UGT2B11: variants seen among roughly 807,000 people sequenced by gnomAD.
UGT2B11 encodes the protein UDP glucuronosyltransferase family 2 member B11.
Under a neutral mutation model 51.7 loss-of-function variants are expected in UGT2B11, and 49 were observed. The ratio of observed to expected loss-of-function variants is 0.95; its 90% confidence interval spans 0.75 to 1.20. The LOEUF is 1.20. Among genes scored for constraint, UGT2B11 ranks in the 50% most tolerant of loss-of-function variants. The probability of loss-of-function intolerance (pLI) is 0.00; values close to 1 mark genes in which losing one functional copy is unlikely to be tolerated. For missense variants in UGT2B11, 810 were observed against 622.1 expected (o/e 1.30, Z -3.21); for synonymous variants, 273 against 209.0 (o/e 1.31, Z -2.64).
chr4:69,207,592 C>T (rs1311918223), intron 3 of UGT2B11, among the ~76,000 whole-genome samples: 1 of 151,550 alleles, frequency 6.6e-6, no homozygotes, highest in Non-Finnish European at 1.5e-5. Flanking sequence ...GTAGTTAGTG[C>T]TGAGTCCTTG....
Position 69,204,565 on chromosome 4 carries a change from C to T in UGT2B11, c.1175G>A (p.Gly392Asp), listed in dbSNP as rs1219998844. The change falls in exon 5 of 6, where the codon GGC becomes GAC. Residue 392 changes from glycine to aspartate, a missense_variant. Physicochemically the swap from Gly to Asp is moderately conservative, Grantham distance 94. Transcript: ENST00000446444. ...AGGTTGATCAAAAAACAATGGAATGCCCACCATAGGGATCCCATGGTAGAT... is the reference window on the plus strand; with the variant it reads ...AGGTTGATCAAAAAACAATGGAATGTCCACCATAGGGATCCCATGGTAGAT... The part of the protein sequence containing the change: ...EAIYHGIPMV[G>D]IPLFFDQPDN... 1.2e-5 allele frequency: 20 copies of T among 1,612,070 alleles called. No homozygotes were observed. The highest frequency in any genetic ancestry group is 1.6e-5 in the Non-Finnish European group (19 of 1,178,842).
chr4:69,200,640 T>A lies in UGT2B11; in HGVS notation c.1390A>T (p.Ile464Phe), dbSNP rs772314569. 1.2e-6 allele frequency: 2 copies of A among 1,612,306 alleles called. No individual in the cohort carries two copies. The highest frequency in any genetic ancestry group is 1.3e-5 in the African/African-American group (1 of 74,760). The change falls in exon 6 of 6, where the codon ATT (isoleucine) becomes TTT (phenylalanine). Residue 464 changes from isoleucine to phenylalanine, a missense_variant. Coordinates refer to ENST00000446444, the MANE Select transcript of UGT2B11 (RefSeq NM_001073.3). The part of the protein sequence containing the change: ...VKPLDRAVFW[I>F]EFVMPHKGAK... The stretch of plus-strand genomic sequence containing the variant: ...CCTTTGTGGGGCATGACAAATTCAA[T>A]CCAGAAGACTGCTCGATCCAGGGGC...
At chr4:69,202,379 T>G (rs1425505860) in intron 5 of UGT2B11, among the ~76,000 whole-genome samples, 4 of 151,750 alleles carry the variant, frequency 2.6e-5, no homozygotes, top group Non-Finnish European at 5.9e-5. Context: ...ATTTTGTTAA[T>G]TTCCAAAATT....
chr4:69,212,605 ATCC>A lies in UGT2B11; in HGVS notation c.835_837del (p.Gly279del), dbSNP rs1722113011. 1 of 1,608,542 alleles carries A rather than the reference ATCC, an allele frequency of 6.2e-7. No homozygotes were observed. Reference sequence around the variant, plus strand: ...AGGGGTTTGGCAGGTTTGCAGTGGAATCCTCCAACAAAATCAACGTTTGGTAAG... The same window carrying A: ...AGGGGTTTGGCAGGTTTGCAGTGGAATCCAACAAAATCAACGTTTGGTAAG... On this transcript the variant is annotated inframe_deletion, in exon 2 of 6. Transcript: ENST00000446444.
At chr4:69,211,932 C>A (rs1185129130) in intron 2 of UGT2B11, among the ~76,000 whole-genome samples, 1 of 151,504 alleles carries the variant, frequency 6.6e-6, no homozygotes, top group East Asian at 1.9e-4. Flanking sequence ...TCATCTCATT[C>A]TTAGTCATTC....
chr4:69,204,690 A>G, intron 4 of UGT2B11, 41 bp from the exon 5 acceptor site: 2 of 1,609,644 alleles, frequency 1.2e-6, no homozygotes, highest in Non-Finnish European at 1.7e-6. Flanking sequence ...TCATAGGAAT[A>G]AAATGAGATG....
chr4:69,204,451 T>A lies in UGT2B11; in HGVS notation c.1289A>T (p.Lys430Met). The change falls in exon 5 of 6, where the codon AAG becomes ATG. Residue 430 changes from lysine (K) to methionine (M), a missense_variant. Lys to Met is a moderately conservative substitution (Grantham distance 95). Transcript: ENST00000446444. ...TCACAAAGGATCATTAATTACTGTC[T>A]TCAGTGCATTCAGCAGGTCTGTACT... ...MSSTDLLNALKTVINDPLYKE... is the reference protein window; with the variant it reads ...MSSTDLLNALMTVINDPLYKE... 1 of 1,611,872 alleles carries A rather than the reference T, an allele frequency of 6.2e-7. No individual in the cohort carries two copies. The highest frequency in any genetic ancestry group is 1.7e-5 in the Admixed American group (1 of 59,840).
intron 2 of UGT2B11, among the ~76,000 whole-genome samples, chr4:69,211,872 G>T (rs1374889771): frequency 3.3e-5 from 5 of 151,360 alleles, no homozygotes; most frequent in East Asian, 1.9e-4. Flanking sequence ...ATACTCTTAA[G>T]AAATATTTCC....
intron 5 of UGT2B11, 101 bp downstream of exon 5, chr4:69,204,329 T>A (rs1306567917): frequency 6.6e-7 from 1 of 1,509,436 alleles, no homozygotes; most frequent in Admixed American, 2.0e-5. Context: ...TTTAAATTCT[T>A]TCAAGATTAC....
At chr4:69,209,510 A>G (rs1577963957) in intron 2 of UGT2B11, among the ~76,000 whole-genome samples, 2 of 151,788 alleles carry the variant, frequency 1.3e-5, no homozygotes, top group East Asian at 3.9e-4. Flanking sequence ...ACCAATATTT[A>G]AATTTAAGTA....
intron 4 of UGT2B11, among the ~76,000 whole-genome samples, chr4:69,205,247 T>C (rs1453589867): frequency 2.0e-5 from 3 of 151,702 alleles, no homozygotes; most frequent in Non-Finnish European, 4.4e-5. Context: ...AAAAATTCTG[T>C]GAGATATAAT....
At position 69,200,334 on chromosome 4, in the gene UGT2B11, T is replaced by TTTTTG; in HGVS notation, c.*105_*106insCAAAA. On this transcript the variant is annotated 3_prime_UTR_variant, in exon 6 of 6. Transcript: ENST00000446444. The stretch of plus-strand genomic sequence containing the variant: ...AAAATTTTTTTTTTTTTTTTTTTTT[T>TTTTTG]GTCACAGGAAGAAAGAAATCTTGCA... 9.2e-7 allele frequency: 1 copy of TTTTTG among 1,086,978 alleles called. No individual in the cohort carries two copies. Among genetic ancestry groups the TTTTTG allele is most frequent in the Non-Finnish European group, 1.2e-6 (1 of 854,144 alleles). 67.3% of individuals were successfully genotyped at this position (1,086,978 alleles called of 1,614,324 possible). A position where few individuals can be genotyped will look rare whatever the true frequency, so the allele number is the denominator to read the frequency against.
chr4:69,210,755 A>T lies in UGT2B11; in HGVS notation c.870+1818T>A, dbSNP rs377636074. Among the ~76,000 whole-genome samples, 4 of 151,696 alleles carry T rather than the reference A, an allele frequency of 2.6e-5. No homozygotes were observed. In the East Asian group the frequency reaches 5.8e-4, roughly 22 times the overall value. ...GAAAGTGACTATATAAAGCCCATACAATTTGCATTAAACAGAGATACTGAG... is the reference window on the plus strand; with the variant it reads ...GAAAGTGACTATATAAAGCCCATACTATTTGCATTAAACAGAGATACTGAG... On this transcript the variant is annotated intron_variant, in intron 2 of 5. Transcript: ENST00000446444.
In UGT2B11 at chr4:69,204,649, C is replaced by T. The variant is rs146890806; in HGVS notation, c.1091G>A (p.Gly364Asp). 10,808 of 1,611,184 alleles carry T rather than the reference C, an allele frequency of 6.7e-3. 46 individuals carry two copies. Among genetic ancestry groups the T allele is most frequent in the Non-Finnish European group, 7.8e-3 (9,149 of 1,178,408 alleles). The change falls in exon 5 of 6, where the codon GGT (glycine) becomes GAT (aspartate). Residue 364 changes from glycine to aspartate, a missense_variant and splice_region_variant. By Grantham distance (94) the Gly-to-Asp change is moderately conservative. Transcript: ENST00000446444. The part of the protein sequence containing the change: ...YKWIPQNDLL[G>D]HPKTRAFITH... ...TATAAAAGCTCTGGTTTTTGGATGA[C>T]CTAGGATTGGATGAATTTTAGCAAA... is the stretch of plus-strand genomic sequence containing the variant.
rs759272017 is a variant in UGT2B11, at chr4:69,214,723, C to T, written c.-1G>A. The T allele has an allele frequency of 3.7e-6, 6 of 1,611,314 alleles. No individual in the cohort carries two copies. In the South Asian group the frequency reaches 6.6e-5, roughly 18 times the overall value. ...GAACTGAAGTCCATTTCAGAGTCAT[C>T]CTGGTGCAATGCGATCATTCTTTTC... On this transcript the variant is annotated 5_prime_UTR_variant, in exon 1 of 6. Coordinates refer to ENST00000446444, the MANE Select transcript of UGT2B11 (RefSeq NM_001073.3).
chr4:69,217,320 G>A (rs542385102), upstream of UGT2B11, among the ~76,000 whole-genome samples: 15 of 152,222 alleles, frequency 9.9e-5, no homozygotes, highest in South Asian at 1.4e-3. Context: ...AGACAAATTT[G>A]TTTTTATTCT....
intron 2 of UGT2B11, among the ~76,000 whole-genome samples, chr4:69,210,817 C>G (rs1577964787): frequency 6.6e-6 from 1 of 151,518 alleles, no homozygotes; most frequent in East Asian, 1.9e-4. Flanking sequence ...TTTATGTAAG[C>G]AAAAACGTTC....
intron 5 of UGT2B11, chr4:69,201,161 T>C (rs1323605352): frequency 6.4e-6 from 1 of 155,198 alleles, no homozygotes; most frequent in East Asian, 1.9e-4. Flanking sequence ...ACATTCTTAG[T>C]TCTCAAACAG....
the UGT2B11 span, among the ~76,000 whole-genome samples, chr4:69,223,341 A>T: frequency 2.6e-5 from 4 of 152,056 alleles, no homozygotes; most frequent in Non-Finnish European, 5.9e-5. Flanking sequence ...CCTGGGACTC[A>T]TCTTCTCTTA....
Sources: allele counts gnomAD v4.1 joint callset (sites outside exome capture counted in the v4.1 genomes callset), GRCh38; gene constraint gnomAD v4.1.1; transcripts MANE v1.5; gene names NCBI Gene and HGNC (gene_info 2026-07-23, HGNC 2026-07-21).